The following UNC5B variants were observed in gnomAD, a reference collection of about 807,000 sequenced individuals.
UNC5B encodes netrin receptor UNC5B.
UNC5B carries 56 observed loss-of-function variants against 103.7 expected under a neutral mutation model. The ratio of observed to expected loss-of-function variants is 0.54; its 90% CI spans 0.44 to 0.67. UNC5B has a LOEUF of 0.67. UNC5B is among the 30% of genes least tolerant of loss of function. UNC5B has a pLI of 0.00. For missense variants in UNC5B, 1,194 were observed against 1,284.5 expected (o/e 0.93, Z 1.08); for synonymous variants, 577 against 542.0 (o/e 1.06, Z -0.90).
rs1236276592 is a variant in UNC5B at position 71,234,205 on chromosome 10, C to T, written c.79+21141C>T. ...TGCCCAGGGTCACACAGCCAGGAAG[C>T]AGCAAAAGAGCCTGGATTTGGAGCC... On this transcript the variant is annotated intron_variant, in intron 1 of 16. Transcript: ENST00000335350. Among the ~76,000 whole-genome samples the T allele has an allele frequency of 2.6e-5, 4 of 152,228 alleles. No homozygotes were observed. The South Asian group carries it at 8.3e-4, about 31-fold the overall frequency.
intron 2 of UNC5B, among the ~76,000 whole-genome samples, chr10:71,282,864 C>T (rs1844966098): frequency 6.6e-6 from 1 of 151,804 alleles, no homozygotes; most frequent in African/African-American, 2.4e-5. Flanking sequence ...TGCCTGTAAT[C>T]CCAGCACTTT....
chr10:71,266,293 T>C (rs1036204373), intron 1 of UNC5B, among the ~76,000 whole-genome samples: 1 of 152,028 alleles, frequency 6.6e-6, no homozygotes, highest in Non-Finnish European at 1.5e-5. Flanking sequence ...TCTCCTTGGC[T>C]AACCTCCTGC....
intron 2 of UNC5B, among the ~76,000 whole-genome samples, chr10:71,284,507 T>C (rs905064459): frequency 2.0e-5 from 3 of 152,060 alleles, no homozygotes; most frequent in African/African-American, 7.2e-5. Context: ...AGAAGATGCA[T>C]TGGTGGGGCA....
At chr10:71,254,318 G>T (rs764441144) in intron 1 of UNC5B, among the ~76,000 whole-genome samples, 4 of 152,218 alleles carry the variant, frequency 2.6e-5, no homozygotes, top group Non-Finnish European at 5.9e-5. Context: ...ATCTGACTCA[G>T]GGCCTGGGCC....
At chr10:71,269,034 G>T (rs1030512957) in intron 1 of UNC5B, among the ~76,000 whole-genome samples, 13 of 152,178 alleles carry the variant, frequency 8.5e-5, no homozygotes, top group African/African-American at 2.9e-4. Context: ...GGGCTGGTGG[G>T]GGGAGACAGA....
chr10:71,233,446 G>A (rs1369609762), intron 1 of UNC5B, among the ~76,000 whole-genome samples: 2 of 152,186 alleles, frequency 1.3e-5, no homozygotes, highest in East Asian at 1.9e-4. Flanking sequence ...AGATGCTGGC[G>A]GCTTCAGCCA....
At chr10:71,263,568 G>A (rs1018058140) in intron 1 of UNC5B, among the ~76,000 whole-genome samples, 3 of 152,060 alleles carry the variant, frequency 2.0e-5, no homozygotes, top group African/African-American at 7.3e-5. Context: ...GCCCCCAGCC[G>A]AGAACAATCA....
intron 1 of UNC5B, among the ~76,000 whole-genome samples, chr10:71,215,944 C>G (rs1843322164): frequency 6.6e-6 from 1 of 152,048 alleles, no homozygotes; most frequent in African/African-American, 2.4e-5. Context: ...AATGGAAAAT[C>G]AAGTGTCTTA....
chr10:71,227,707 T>TACAC (rs57747777), intron 1 of UNC5B, among the ~76,000 whole-genome samples: 1,852 of 128,056 alleles, frequency 0.014, 32 homozygotes, highest in African/African-American at 0.038. Context: ...TACACACATA[T>TACAC]ACACACACAC....
intron 1 of UNC5B, among the ~76,000 whole-genome samples, chr10:71,250,233 C>T (rs1248306546): frequency 6.6e-6 from 1 of 152,216 alleles, no homozygotes; most frequent in African/African-American, 2.4e-5. Flanking sequence ...CATCAGAACT[C>T]CTTTCCCCCC....
intron 1 of UNC5B, among the ~76,000 whole-genome samples, chr10:71,272,845 T>G (rs1284554977): frequency 6.6e-6 from 1 of 151,970 alleles, no homozygotes; most frequent in Non-Finnish European, 1.5e-5. Context: ...GAACAGCTCC[T>G]GCCTGCTGCC....
At position 71,213,467 on chromosome 10, in the gene UNC5B, T is replaced by C. The variant is rs770475284; in HGVS notation, c.79+403T>C. ...GCGCTCGCTGCCGTACGCCGGTAACTTACTAGTCTGGTCCCGGCTCGCCTA... is the reference window on the plus strand; with the variant it reads ...GCGCTCGCTGCCGTACGCCGGTAACCTACTAGTCTGGTCCCGGCTCGCCTA... On this transcript the variant is annotated intron_variant, in intron 1 of 16. Transcript: ENST00000335350. This position sits in a 1 kb window ranked among gnomAD's most constrained non-coding sequence, Gnocchi z 4.1. 6.6e-6 allele frequency among the ~76,000 whole-genome samples: 1 copy of C among 152,112 alleles called. No homozygotes were observed. The highest frequency in any genetic ancestry group is 1.5e-5 in the Non-Finnish European group (1 of 68,028).
In UNC5B at chr10:71,285,365, A is replaced by T; in HGVS notation, c.488A>T (p.Glu163Val). 1 of 1,611,656 alleles carries T rather than the reference A, an allele frequency of 6.2e-7. No individual in the cohort carries two copies. The highest frequency in any genetic ancestry group is 2.2e-5 in the East Asian group (1 of 44,808). The change falls in exon 4 of 17, where the codon GAG (glutamate) becomes GTG (valine). Residue 163 changes from glutamate to valine, a missense_variant. Coordinates refer to ENST00000335350, the MANE Select transcript of UNC5B (RefSeq NM_170744.5). ...KNFDQEPLGK[E>V]VPLDHEVLLQ... is the part of the protein sequence containing the mutation. The stretch of plus-strand genomic sequence containing the variant: ...TTCGATCAGGAGCCTCTGGGCAAGG[A>T]GGTGCCCCTGGACCATGAGGTTCTC...
chr10:71,213,183 C>A lies in UNC5B; in HGVS notation c.79+119C>A. 1.2e-6 allele frequency: 1 copy of A among 816,198 alleles called. No individual in the cohort carries two copies. Among genetic ancestry groups the A allele is most frequent in the Non-Finnish European group, 1.6e-6 (1 of 606,550 alleles). The allele number at this position is 816,198 out of a possible 1,614,324, so 50.6% of individuals were successfully genotyped here. A position where few individuals can be genotyped will look rare whatever the true frequency, so the allele number is the denominator to read the frequency against. Reference sequence around the variant, plus strand: ...GCGCAGGAAAAGCGGCAAGGGCGCCCAAGTTAGAATGTAGATTTTACTGCC... The same window carrying A: ...GCGCAGGAAAAGCGGCAAGGGCGCCAAAGTTAGAATGTAGATTTTACTGCC... On this transcript the variant is annotated intron_variant, in intron 1 of 16. Coordinates refer to ENST00000335350, the MANE Select transcript of UNC5B (RefSeq NM_170744.5). This position sits in a 1 kb window ranked among gnomAD's most constrained non-coding sequence, Gnocchi z 4.1.
intron 1 of UNC5B, among the ~76,000 whole-genome samples, chr10:71,214,730 G>C (rs1843297748): frequency 6.6e-6 from 1 of 152,186 alleles, no homozygotes; most frequent in South Asian, 2.1e-4. Context: ...AGAAAGACAA[G>C]ACTGGTTGGC....
rs765132326 is a variant in UNC5B, at chr10:71,291,736, G to A, written c.1599G>A (p.Gln533=). The A allele has an allele frequency of 7.4e-6, 12 of 1,611,678 alleles. No homozygotes were observed. In the Admixed American group the frequency reaches 2.0e-4, roughly 27 times the overall value. ...GCAGCGCCAGCCTCGGTTCCCAGCA[G>A]CTCTTGGGCCTGCCCCGAGACCCAG... ...HLRSASLGSQ[Q]LLGLPRDPGS... The change falls in exon 10 of 17, where the codon CAG becomes CAA. Residue 533 remains glutamine (Q), a synonymous_variant. Coordinates refer to ENST00000335350, the MANE Select transcript of UNC5B (RefSeq NM_170744.5).
intron 8 of UNC5B, 109 bp downstream of exon 8, chr10:71,289,099 C>T: frequency 7.0e-7 from 1 of 1,435,004 alleles, no homozygotes; most frequent in South Asian, 1.2e-5. Context: ...AAGGTGCCTA[C>T]CCACCCCCCA....
At chr10:71,268,010 C>T (rs1057261908) in intron 1 of UNC5B, among the ~76,000 whole-genome samples, 1 of 152,230 alleles carries the variant, frequency 6.6e-6, no homozygotes, top group African/African-American at 2.4e-5. Flanking sequence ...TCTACAAGGC[C>T]TGGCCTCCCC....
chr10:71,244,874 C>T (rs1843989926), intron 1 of UNC5B, among the ~76,000 whole-genome samples: 1 of 152,244 alleles, frequency 6.6e-6, no homozygotes, highest in South Asian at 2.1e-4. Flanking sequence ...CGCAGACCGC[C>T]TCCAGCTCCC....
Sources: gnomAD v4.1 joint callset for allele counts (sites outside exome capture counted in the v4.1 genomes callset) on GRCh38, gnomAD v4.1.1 for gene constraint, Gnocchi (gnomAD v3.1) non-coding constraint, MANE v1.5 for transcripts, NCBI Gene and HGNC (gene_info 2026-07-23, HGNC 2026-07-21) for gene names.